The following TUSC2 variants were observed in gnomAD, a reference collection of about 807,000 sequenced individuals.
TUSC2 encodes the protein tumor suppressor candidate 2.
TUSC2 carries 7 observed loss-of-function variants against 11.5 expected under a neutral mutation model. The observed-to-expected ratio is 0.61, with a 90% CI of 0.35 to 1.14. TUSC2 has a LOEUF of 1.14. TUSC2 is among the 50% of genes most tolerant of loss of function. The probability of loss-of-function intolerance (pLI) is 0.03; values close to 1 mark genes in which losing one functional copy is unlikely to be tolerated. For missense variants in TUSC2, 132 were observed against 155.0 expected, an observed-to-expected ratio of 0.85 and a Z score of 0.79; for synonymous variants, 61 against 64.1, an observed-to-expected ratio of 0.95 and a Z score of 0.23.
chr3:50,326,545 T>C (rs1310277819), intron 1 of TUSC2, 68 bp from the exon 2 acceptor site: 3 of 1,594,576 alleles, frequency 1.9e-6, no homozygotes, highest in Non-Finnish European at 2.6e-6. Context: ...ATGTCACAGG[T>C]CACGGGGAAG....
chr3:50,328,126 C>G lies in TUSC2; in HGVS notation c.-27G>C. On this transcript the variant is annotated 5_prime_UTR_variant, in exon 1 of 3. Coordinates refer to ENST00000232496, the MANE Select transcript of TUSC2 (RefSeq NM_007275.3). ...TCAGGGCCGCCGGCGCATGGCGGGC[C>G]CCGTGGCCGCTCTGCTCACACCGCA... The G allele has an allele frequency of 7.3e-7, 1 of 1,364,514 alleles. No homozygotes were observed. Among genetic ancestry groups the G allele is most frequent in the Non-Finnish European group, 9.4e-7 (1 of 1,060,400 alleles). The allele number at this position is 1,364,514 out of a possible 1,614,324, so 84.5% of individuals were successfully genotyped here.
chr3:50,326,162 G>A lies in TUSC2; in HGVS notation c.292C>T (p.Arg98Cys), dbSNP rs1359485349. Residue 98 changes from arginine (R) to cysteine (C), a missense_variant, in exon 3 of 3, where the codon CGC (arginine) becomes TGC (cysteine). This residue lies in a region of TUSC2 where 65 missense variants were observed against 94.0 expected (regional missense o/e 0.69). Transcript: ENST00000232496. ...ATCACAGGGAAATCCACGTGGATGC[G>A]GGGGTGATCCAGCTTCACGATGCCC... ...PQGIVKLDHP[R>C]IHVDFPVILY... is the part of the protein sequence containing the mutation. 9.4e-6 allele frequency: 15 copies of A among 1,599,494 alleles called. No individual in the cohort carries two copies. The highest frequency in any genetic ancestry group is 1.7e-5 in the Admixed American group (1 of 57,188).
chr3:50,328,185 T>TCGCAGGTGC lies in TUSC2; in HGVS notation c.-95_-87dup, dbSNP rs1575535988. The TCGCAGGTGC allele has an allele frequency of 3.9e-6, 5 of 1,282,466 alleles. No homozygotes were observed. The East Asian group carries it at 1.6e-4, about 40-fold the overall frequency. The allele number at this position is 1,282,466 out of a possible 1,614,324, so 79.4% of individuals were successfully genotyped here. A position where few individuals can be genotyped will look rare whatever the true frequency, so the allele number is the denominator to read the frequency against. ...TACCATAACCTGCCCCAGCCGCTGA[T>TCGCAGGTGC]CGCAGGTGCCGCCGCCGCCGCCTTC... is the stretch of plus-strand genomic sequence containing the variant. On this transcript the variant is annotated 5_prime_UTR_variant, in exon 1 of 3. Transcript: ENST00000232496.
At chr3:50,327,863 TA>T in intron 1 of TUSC2, 90 bp downstream of exon 1, 1 of 1,353,784 alleles carries the variant, frequency 7.4e-7, no homozygotes, top group African/African-American at 1.5e-5. Context: ...GGCTTGGCTG[TA>T]GTGGGGTACA....
chr3:50,328,118 T>C lies in TUSC2; in HGVS notation c.-19A>G. 7.3e-7 allele frequency: 1 copy of C among 1,366,234 alleles called. No individual in the cohort carries two copies. Among genetic ancestry groups the C allele is most frequent in the South Asian group, 1.7e-5 (1 of 59,338 alleles). 84.6% of individuals were successfully genotyped at this position (1,366,234 alleles called of 1,614,324 possible). A position where few individuals can be genotyped will look rare whatever the true frequency, so the allele number is the denominator to read the frequency against. On this transcript the variant is annotated 5_prime_UTR_variant, in exon 1 of 3. The change abolishes an upstream ATG in the 5' untranslated region. Coordinates refer to ENST00000232496, the MANE Select transcript of TUSC2 (RefSeq NM_007275.3). ...CGCCCATGTCAGGGCCGCCGGCGCA[T>C]GGCGGGCCCCGTGGCCGCTCTGCTC...
chr3:50,327,758 A>AG (rs1464899881), intron 1 of TUSC2, among the ~76,000 whole-genome samples, 196 bp downstream of exon 1: 1 of 152,170 alleles, frequency 6.6e-6, no homozygotes, highest in Non-Finnish European at 1.5e-5. Flanking sequence ...ACTCTTCCCT[A>AG]GGGAGACTTT....
rs1177346847 is a variant in TUSC2 at position 50,326,621 on chromosome 3, A to T, written c.147-144T>A. On this transcript the variant is annotated intron_variant, in intron 1 of 2. Transcript: ENST00000232496. ...AATATGCCTGGAGAATCCTTTTTTT[A>T]AAAAAAATTTTTCGAGACAGAATCT... 5.4e-6 allele frequency: 7 copies of T among 1,289,020 alleles called. No homozygotes were observed. In the Admixed American group the frequency reaches 8.3e-5, roughly 15 times the overall value. 79.8% of individuals were successfully genotyped at this position (1,289,020 alleles called of 1,614,324 possible).
At chr3:50,327,897 G>A (rs1702809607) in intron 1 of TUSC2, 57 bp downstream of exon 1, 1 of 1,381,206 alleles carries the variant, frequency 7.2e-7, no homozygotes, top group South Asian at 1.6e-5. Context: ...CCCCCGTGGC[G>A]CGGGACGCCT....
intron 1 of TUSC2, 51 bp downstream of exon 1, chr3:50,327,903 C>T: frequency 2.9e-6 from 4 of 1,382,442 alleles, no homozygotes; most frequent in Non-Finnish European, 3.8e-6. Flanking sequence ...TGGCGCGGGA[C>T]GCCTGGCCGC....
chr3:50,326,838 G>A (rs1187889950), intron 1 of TUSC2, among the ~76,000 whole-genome samples: 15 of 151,996 alleles, frequency 9.9e-5, no homozygotes, highest in African/African-American at 3.4e-4. Context: ...GGCTGGTCTC[G>A]AACTCCTGAA....
rs1203596751 is a variant in TUSC2 at position 50,328,128 on chromosome 3, C to G, written c.-29G>C. ...AGGGCCGCCGGCGCATGGCGGGCCC[C>G]GTGGCCGCTCTGCTCACACCGCAGT... is the stretch of plus-strand genomic sequence containing the variant. On this transcript the variant is annotated 5_prime_UTR_variant, in exon 1 of 3. Transcript: ENST00000232496. 10 of 1,363,102 alleles carry G rather than the reference C, an allele frequency of 7.3e-6. No individual in the cohort carries two copies. The highest frequency in any genetic ancestry group is 8.5e-6 in the Non-Finnish European group (9 of 1,059,772). 84.4% of individuals were successfully genotyped at this position (1,363,102 alleles called of 1,614,324 possible). A position where few individuals can be genotyped will look rare whatever the true frequency, so the allele number is the denominator to read the frequency against.
Position 50,328,015 on chromosome 3 carries a change from C to A in TUSC2, c.85G>T (p.Glu29Ter). The A allele has an allele frequency of 6.5e-7, 1 of 1,528,458 alleles. No individual in the cohort carries two copies. The highest frequency in any genetic ancestry group is 8.8e-7 in the Non-Finnish European group (1 of 1,139,988). 94.7% of individuals were successfully genotyped at this position (1,528,458 alleles called of 1,614,324 possible). ...GGGGSEAAGA[E>*]QALVRPRGRA... is the part of the protein sequence containing the mutation. Reference sequence around the variant, plus strand: ...CCCCGAGGCCGCACCAAAGCTTGCTCAGCTCCTGCTGCCTCTGAGCCGCCG... The same window carrying A: ...CCCCGAGGCCGCACCAAAGCTTGCTAAGCTCCTGCTGCCTCTGAGCCGCCG... Residue 29 changes from glutamate (E) to a stop codon, truncating the protein, a stop_gained, in exon 1 of 3, where the codon GAG (glutamate) becomes TAG (stop). Transcript: ENST00000232496. LOFTEE classifies it high-confidence loss of function.
Position 50,326,004 on chromosome 3 carries a change from CAG to C in TUSC2, c.*115_*116del, listed in dbSNP as rs1553717325. The stretch of plus-strand genomic sequence containing the variant: ...CTCACAGCTGAAGGTTATGGGCCAA[CAG>C]AGTTTATTCAGGGTTGTGGCCCCAG... On this transcript the variant is annotated 3_prime_UTR_variant, in exon 3 of 3. Coordinates refer to ENST00000232496, the MANE Select transcript of TUSC2 (RefSeq NM_007275.3). 1.6e-6 allele frequency: 2 copies of C among 1,286,480 alleles called. No homozygotes were observed. The highest frequency in any genetic ancestry group is 1.3e-5 in the South Asian group (1 of 74,966). The allele number at this position is 1,286,480 out of a possible 1,614,324, so 79.7% of individuals were successfully genotyped here.
chr3:50,326,548 C>T (rs1698412778), intron 1 of TUSC2, 71 bp from the exon 2 acceptor site: 18 of 1,591,340 alleles, frequency 1.1e-5, no homozygotes, highest in African/African-American at 2.7e-5. Context: ...TCACAGGTCA[C>T]GGGGAAGTCT....
chr3:50,325,967 G>A lies in TUSC2; in HGVS notation c.*154C>T. 2.1e-6 allele frequency: 2 copies of A among 930,376 alleles called. No homozygotes were observed. Among genetic ancestry groups the A allele is most frequent in the Non-Finnish European group, 3.3e-6 (2 of 611,998 alleles). 57.6% of individuals were successfully genotyped at this position (930,376 alleles called of 1,614,324 possible). A position where few individuals can be genotyped will look rare whatever the true frequency, so the allele number is the denominator to read the frequency against. On this transcript the variant is annotated 3_prime_UTR_variant, in exon 3 of 3. Coordinates refer to ENST00000232496, the MANE Select transcript of TUSC2 (RefSeq NM_007275.3). The surrounding 1 kb of genome is among the most constrained non-coding windows in gnomAD (Gnocchi z 5.1). ...CAAACCAACACCCAACCAATACTGT[G>A]GGACCGACCCGCTCACAGCTGAAGG...
intron 1 of TUSC2, among the ~76,000 whole-genome samples, chr3:50,326,776 C>T (rs1329863485): frequency 6.6e-6 from 1 of 152,200 alleles, no homozygotes; most frequent in African/African-American, 2.4e-5. Flanking sequence ...CACCACCACA[C>T]CCTGCTAATT....
Position 50,327,391 on chromosome 3 carries a change from T to C in TUSC2, c.146+563A>G, listed in dbSNP as rs112490801. Among the ~76,000 whole-genome samples, 135 of 152,084 alleles carry C rather than the reference T, an allele frequency of 8.9e-4. 1 individual carries two copies. The highest frequency in any genetic ancestry group is 3.0e-3 in the African/African-American group (126 of 41,528). On this transcript the variant is annotated intron_variant, in intron 1 of 2. Coordinates refer to ENST00000232496, the MANE Select transcript of TUSC2 (RefSeq NM_007275.3). ...TAGAGCCAAGCCAATCTGGTACTCT[T>C]GTGCGGGCCTCTGGGAGACTGGGCT...
At chr3:50,326,629 T>A (rs587650032) in intron 1 of TUSC2, 152 bp from the exon 2 acceptor site, 90 of 1,216,814 alleles carry the variant, frequency 7.4e-5, no homozygotes, top group African/African-American at 2.5e-4. Flanking sequence ...TTAAAAAAAA[T>A]TTTTCGAGAC....
intron 1 of TUSC2, among the ~76,000 whole-genome samples, chr3:50,326,804 G>C (rs782506656): frequency 5.3e-5 from 8 of 152,164 alleles, no homozygotes; most frequent in Non-Finnish European, 1.0e-4. Context: ...TTTTAGTAGA[G>C]ACGGGGTTTT....
Sources: allele counts gnomAD v4.1 joint callset (sites outside exome capture counted in the v4.1 genomes callset), GRCh38; gene constraint gnomAD v4.1.1; regional missense constraint gnomAD v4.1.1; non-coding constraint Gnocchi (gnomAD v3.1); transcripts MANE v1.5; gene names NCBI Gene and HGNC (gene_info 2026-07-23, HGNC 2026-07-21).